OR10J1: variants seen among roughly 807,000 people sequenced by gnomAD.
OR10J1 encodes the protein olfactory receptor 10J1.
For synonymous variants in OR10J1, 202 were observed against 143.8 expected, an observed-to-expected ratio of 1.40 and a Z score of -2.89; for missense variants, 474 against 376.6, an observed-to-expected ratio of 1.26 and a Z score of -2.14.
At chr1:159,429,868 T>C in the OR10J1 span, among the ~76,000 whole-genome samples, 1 of 152,174 alleles carries the variant, frequency 6.6e-6, no homozygotes. Context: ...GTTTTATTTC[T>C]AGTCCTCCAG....
the OR10J1 span, among the ~76,000 whole-genome samples, chr1:159,404,861 G>A: frequency 6.6e-6 from 1 of 152,118 alleles, no homozygotes; most frequent in Non-Finnish European, 1.5e-5. Flanking sequence ...CTACTCTATA[G>A]GGTTCATTAA....
the OR10J1 span, among the ~76,000 whole-genome samples, chr1:159,397,752 G>A: frequency 6.6e-6 from 1 of 152,166 alleles, no homozygotes; most frequent in Non-Finnish European, 1.5e-5. Flanking sequence ...ATACCAGATA[G>A]TCTCCTAAGG....
chr1:159,438,578 T>C (rs1655807855), upstream of OR10J1, among the ~76,000 whole-genome samples: 1 of 152,248 alleles, frequency 6.6e-6, no homozygotes. Flanking sequence ...TGGAAAATAT[T>C]CTCTATTGCA....
the OR10J1 span, among the ~76,000 whole-genome samples, chr1:159,408,592 G>A: frequency 6.6e-6 from 1 of 151,686 alleles, no homozygotes; most frequent in Non-Finnish European, 1.5e-5. Flanking sequence ...TTGTGCACCT[G>A]TACCCTAAAA....
chr1:159,398,812 A>T, the OR10J1 span, among the ~76,000 whole-genome samples: 1 of 152,228 alleles, frequency 6.6e-6, no homozygotes, highest in African/African-American at 2.4e-5. Context: ...TTATTGAGAA[A>T]TGGTAAGAAT....
chr1:159,431,688 A>G, the OR10J1 span, among the ~76,000 whole-genome samples: 1 of 152,214 alleles, frequency 6.6e-6, no homozygotes, highest in Non-Finnish European at 1.5e-5. Context: ...TTATACTTCA[A>G]GTACCTATAC....
the OR10J1 span, among the ~76,000 whole-genome samples, chr1:159,402,534 T>C: frequency 3.9e-5 from 6 of 151,954 alleles, no homozygotes; most frequent in Non-Finnish European, 7.4e-5. Context: ...AAATGAATTA[T>C]CTAGGAATGA....
chr1:159,435,633 A>G (rs1347652987), upstream of OR10J1, among the ~76,000 whole-genome samples: 1 of 152,124 alleles, frequency 6.6e-6, no homozygotes, highest in East Asian at 1.9e-4. Flanking sequence ...GAGTAGATCT[A>G]ACTTTAGGAA....
At position 159,440,747 on chromosome 1, in the gene OR10J1, C is replaced by T; in HGVS notation, c.*26C>T. ...CCATGTAGGAAGAGTTCTCCTGAGG[C>T]TGTCAACATCCACACTAGGCAGGAA... On this transcript the variant is annotated 3_prime_UTR_variant, in exon 1 of 1. Coordinates refer to ENST00000423932, the MANE Select transcript of OR10J1 (RefSeq NM_012351.3). 2 of 1,590,686 alleles carry T rather than the reference C, an allele frequency of 1.3e-6. 1 individual carries two copies.
chr1:159,397,566 A>T, the OR10J1 span, among the ~76,000 whole-genome samples: 6 of 152,026 alleles, frequency 3.9e-5, no homozygotes, highest in African/African-American at 1.4e-4. Context: ...ACCACAAGCT[A>T]ACTTAAGAGA....
chr1:159,438,629 C>G (rs1347387007), upstream of OR10J1, among the ~76,000 whole-genome samples: 1 of 152,202 alleles, frequency 6.6e-6, no homozygotes, highest in Admixed American at 6.5e-5. Flanking sequence ...AAATGATTAA[C>G]AGCTGGTCAT....
the OR10J1 span, among the ~76,000 whole-genome samples, chr1:159,417,344 ACT>A: frequency 6.6e-6 from 1 of 151,882 alleles, no homozygotes; most frequent in African/African-American, 2.4e-5. Flanking sequence ...ATATGGTTTG[ACT>A]CTGACCACAC....
the OR10J1 span, among the ~76,000 whole-genome samples, chr1:159,408,722 C>A: frequency 3.3e-5 from 5 of 151,960 alleles, no homozygotes; most frequent in Admixed American, 6.6e-5. Flanking sequence ...AATGTTAGTA[C>A]TTAACTCATA....
upstream of OR10J1, among the ~76,000 whole-genome samples, chr1:159,438,893 G>T (rs1250840620): frequency 1.3e-5 from 2 of 151,956 alleles, no homozygotes; most frequent in African/African-American, 4.8e-5. Context: ...TTATATTCAG[G>T]GTTTGCTTTT....
At chr1:159,415,372 T>A in the OR10J1 span, among the ~76,000 whole-genome samples, 1 of 152,054 alleles carries the variant, frequency 6.6e-6, no homozygotes, top group Non-Finnish European at 1.5e-5. Flanking sequence ...CTAAAATCAG[T>A]TGACTGTGAA....
At chr1:159,434,393 C>A (rs1433417367), upstream of OR10J1, among the ~76,000 whole-genome samples, 1 of 152,182 alleles carries the variant, frequency 6.6e-6, no homozygotes, top group Non-Finnish European at 1.5e-5. Flanking sequence ...ACTTTGGAAT[C>A]AGTCTGGAAG....
the OR10J1 span, among the ~76,000 whole-genome samples, chr1:159,407,253 A>T: frequency 6.6e-6 from 1 of 152,250 alleles, no homozygotes; most frequent in East Asian, 1.9e-4. Context: ...ATAGAGTGTA[A>T]TGGGAAGCAG....
the OR10J1 span, among the ~76,000 whole-genome samples, chr1:159,416,544 T>C: frequency 1.3e-5 from 2 of 151,972 alleles, no homozygotes; most frequent in Non-Finnish European, 2.9e-5. Flanking sequence ...ACTGTAGTTT[T>C]CTTTTTTGTT....
chr1:159,440,654 T>C lies in OR10J1; in HGVS notation c.863T>C (p.Val288Ala). Residue 288 changes from valine (V) to alanine (A), a missense_variant, in exon 1 of 1, where the codon GTA becomes GCA. Transcript: ENST00000423932. Reference protein sequence around the residue: ...TVITPLLNPVVYTLRNKEVKD... With the variant: ...TVITPLLNPVAYTLRNKEVKD... Reference sequence around the variant, plus strand: ...ATCACTCCCCTACTGAACCCTGTGGTATACACCCTGAGAAATAAAGAGGTC... The same window carrying C: ...ATCACTCCCCTACTGAACCCTGTGGCATACACCCTGAGAAATAAAGAGGTC... The C allele has an allele frequency of 1.2e-6, 2 of 1,613,976 alleles. No homozygotes were observed. The highest frequency in any genetic ancestry group is 1.7e-6 in the Non-Finnish European group (2 of 1,179,978).
Sources: allele counts gnomAD v4.1 joint callset (sites outside exome capture counted in the v4.1 genomes callset), GRCh38; gene constraint gnomAD v4.1.1; transcripts MANE v1.5; gene names NCBI Gene and HGNC (gene_info 2026-07-23, HGNC 2026-07-21).